PAX2: variants seen among roughly 807,000 people sequenced by gnomAD.
PAX2 encodes the protein paired box 2.
A neutral mutation model predicts 41.7 loss-of-function variants in PAX2; 9 were observed. That is an observed-to-expected ratio of 0.22 (90% CI 0.13 to 0.38). PAX2 has a LOEUF of 0.38. PAX2 is among the 10% of genes least tolerant of loss of function. PAX2 has a pLI of 1.00. For missense variants in PAX2, 418 were observed against 531.6 expected (o/e 0.79, Z 2.10); for synonymous variants, 221 against 212.7 (o/e 1.04, Z -0.34).
rs1848721584 is a variant in PAX2, at chr10:100,829,714, CG to C, written c.*2099del. The C allele has an allele frequency of 9.9e-6, 2 of 202,296 alleles. No individual in the cohort carries two copies. The highest frequency in any genetic ancestry group is 1.5e-4 in the East Asian group (2 of 13,784). The allele number at this position is 202,296 out of a possible 1,614,324, so 12.5% of individuals were successfully genotyped here. ...CCCAGCCAGGCTCCAGTGGCCCGAA[CG>C]GGGCGGCGAGGGCGGCGAGGGCGCC... On this transcript the variant is annotated 3_prime_UTR_variant, in exon 10 of 10. Transcript: ENST00000355243.
Position 100,791,409 on chromosome 10 carries a change from A to G in PAX2, c.616+10044A>G, listed in dbSNP as rs1306809775. Among the ~76,000 whole-genome samples, 2 of 152,206 alleles carry G rather than the reference A, an allele frequency of 1.3e-5. No homozygotes were observed. Among genetic ancestry groups the G allele is most frequent in the African/African-American group, 2.4e-5 (1 of 41,450 alleles). On this transcript the variant is annotated intron_variant, in intron 5 of 9. Coordinates refer to ENST00000355243, the MANE Select transcript of PAX2 (RefSeq NM_000278.5). The surrounding 1 kb of genome is among the most constrained non-coding windows in gnomAD (Gnocchi z 4.5). ...ATGTGTGTAAGGTTGGGGTACACAC[A>G]GGGGCAGCAGTAGAATGTGATCCAG...
intron 5 of PAX2, among the ~76,000 whole-genome samples, chr10:100,786,539 G>T (rs963239865): frequency 6.6e-6 from 1 of 152,204 alleles, no homozygotes; most frequent in Non-Finnish European, 1.5e-5. Context: ...CCGCTCTGAG[G>T]TCTTTGGGTA....
chr10:100,744,533 A>G (rs904649903), upstream of PAX2, among the ~76,000 whole-genome samples: 6 of 152,100 alleles, frequency 3.9e-5, no homozygotes, highest in Non-Finnish European at 8.8e-5. Flanking sequence ...AGGAGTGGGG[A>G]CGTCCCCGTG....
In PAX2 at chr10:100,827,905, G is replaced by A. The variant is rs376127856; in HGVS notation, c.*286G>A. The A allele has an allele frequency of 2.2e-6, 1 of 461,694 alleles. No homozygotes were observed. The highest frequency in any genetic ancestry group is 2.7e-5 in the South Asian group (1 of 36,394). 28.6% of individuals were successfully genotyped at this position (461,694 alleles called of 1,614,324 possible). On this transcript the variant is annotated 3_prime_UTR_variant, in exon 10 of 10. Transcript: ENST00000355243. The surrounding 1 kb of genome is among the most constrained non-coding windows in gnomAD (Gnocchi z 8.5). ...CCTGGACTGCGCGGCGCCGTGAGGG[G>A]GATTCGGCCCAGCTCGTCCCGGCCT...
intron 3 of PAX2, among the ~76,000 whole-genome samples, chr10:100,751,696 T>C (rs1032383807): frequency 2.6e-5 from 4 of 152,170 alleles, no homozygotes; most frequent in Admixed American, 2.0e-4. Context: ...GGAGAACACA[T>C]GTGCACACTC....
intron 5 of PAX2, among the ~76,000 whole-genome samples, chr10:100,790,569 TC>T (rs1433907635): frequency 6.6e-6 from 1 of 152,144 alleles, no homozygotes; most frequent in African/African-American, 2.4e-5. Flanking sequence ...GCCGAAGCTA[TC>T]CCCGGGCCCT....
At chr10:100,768,065 A>G (rs960435469) in intron 3 of PAX2, among the ~76,000 whole-genome samples, 15 of 152,088 alleles carry the variant, frequency 9.9e-5, no homozygotes, top group African/African-American at 3.4e-4. Context: ...ATGTACGTCA[A>G]TACTGGTGCA....
rs979409064 is a variant in PAX2, at chr10:100,828,151, T to G, written c.*532T>G. 4.3e-6 allele frequency: 1 copy of G among 231,732 alleles called. No individual in the cohort carries two copies. Among genetic ancestry groups the G allele is most frequent in the Non-Finnish European group, 8.5e-6 (1 of 117,366 alleles). The allele number at this position is 231,732 out of a possible 1,614,324, so 14.4% of individuals were successfully genotyped here. The stretch of plus-strand genomic sequence containing the variant: ...ACTTTCTGCAGGAGGAAGAGCCCGC[T>G]GCCGAATCCCTGGGAAAAATTCTTT... On this transcript the variant is annotated 3_prime_UTR_variant, in exon 10 of 10. Coordinates refer to ENST00000355243, the MANE Select transcript of PAX2 (RefSeq NM_000278.5). The surrounding 1 kb of genome is among the most constrained non-coding windows in gnomAD (Gnocchi z 6.5).
chr10:100,798,104 CTTTTTTTTTTTTT>C (rs11314855), intron 5 of PAX2, among the ~76,000 whole-genome samples: 383 of 86,556 alleles, frequency 4.4e-3, no homozygotes, highest in African/African-American at 0.015. Context: ...ATGTCCACCT[CTTTTTTTTTTTTT>C]TTTTTTTTTT....
chr10:100,811,482 T>C (rs1219965819), intron 7 of PAX2, among the ~76,000 whole-genome samples: 2 of 152,200 alleles, frequency 1.3e-5, no homozygotes, highest in Non-Finnish European at 2.9e-5. Flanking sequence ...GGCCAGGATA[T>C]TGTGGGTAGT....
chr10:100,814,927 G>A (rs2133967240), intron 7 of PAX2, among the ~76,000 whole-genome samples: 1 of 152,364 alleles, frequency 6.6e-6, no homozygotes, highest in African/African-American at 2.4e-5. Context: ...AGAGGTAGGG[G>A]AGGCCAGAGA....
rs11190680 is a variant in PAX2, at chr10:100,746,058, A to G, written c.-203A>G. ...GACAGTGGCAAGTTGCGGCTACTGC[A>G]GTTGCAAGCTCCGGCCAACCCGGAG... On this transcript the variant is annotated 5_prime_UTR_variant, in exon 1 of 10. Transcript: ENST00000355243. 1,185,504 of 1,466,716 alleles carry G rather than the reference A, an allele frequency of 0.81. 480,889 individuals carry two copies. The highest frequency in any genetic ancestry group is 1 in the East Asian group (41,525 of 41,554). The allele number at this position is 1,466,716 out of a possible 1,614,324, so 90.9% of individuals were successfully genotyped here. A position where few individuals can be genotyped will look rare whatever the true frequency, so the allele number is the denominator to read the frequency against.
intron 2 of PAX2, 39 bp downstream of exon 2, chr10:100,749,953 A>G: frequency 1.2e-6 from 2 of 1,601,694 alleles, no homozygotes; most frequent in African/African-American, 1.3e-5. Context: ...CGCCTTGCCT[A>G]CTTCCCCGGC....
At position 100,748,796 on chromosome 10, in the gene PAX2, C is replaced by G; in HGVS notation, c.44-950C>G. ...CCGCTCGGTTTCCTGGGGGGGCTGC[C>G]GAGGTCTGAGGGGTCAAAGGGACTC... On this transcript the variant is annotated intron_variant, in intron 1 of 9. Coordinates refer to ENST00000355243, the MANE Select transcript of PAX2 (RefSeq NM_000278.5). This position sits in a 1 kb window ranked among gnomAD's most constrained non-coding sequence, Gnocchi z 5.0. The G allele has an allele frequency of 1.0e-6, 1 of 985,498 alleles. No individual in the cohort carries two copies. Among genetic ancestry groups the G allele is most frequent in the Non-Finnish European group, 1.2e-6 (1 of 829,998 alleles). The allele number at this position is 985,498 out of a possible 1,614,324, so 61.0% of individuals were successfully genotyped here. A position where few individuals can be genotyped will look rare whatever the true frequency, so the allele number is the denominator to read the frequency against.
At chr10:100,786,164 C>T (rs1414677165) in intron 5 of PAX2, among the ~76,000 whole-genome samples, 2 of 152,182 alleles carry the variant, frequency 1.3e-5, no homozygotes, top group Non-Finnish European at 2.9e-5. Flanking sequence ...CTAGGGCAGC[C>T]TTTAGTGGAT....
At chr10:100,753,284 T>G (rs1198877549) in intron 3 of PAX2, among the ~76,000 whole-genome samples, 1 of 152,196 alleles carries the variant, frequency 6.6e-6, no homozygotes. Context: ...TTCTGGGGGC[T>G]TCCCTGTGTG....
chr10:100,804,322 G>A (rs892762225), intron 5 of PAX2, among the ~76,000 whole-genome samples: 2 of 146,148 alleles, frequency 1.4e-5, no homozygotes, highest in African/African-American at 5.2e-5. Context: ...GCCACACACA[G>A]ACAGGCATAT....
At chr10:100,772,063 C>T (rs1041568609) in intron 3 of PAX2, among the ~76,000 whole-genome samples, 1 of 151,660 alleles carries the variant, frequency 6.6e-6, no homozygotes, top group African/African-American at 2.4e-5. Flanking sequence ...CCTCGGCCTC[C>T]CAAAGTGTTG....
At chr10:100,823,867 C>T (rs1011320989) in intron 7 of PAX2, among the ~76,000 whole-genome samples, 2 of 152,142 alleles carry the variant, frequency 1.3e-5, no homozygotes, top group African/African-American at 4.8e-5. Context: ...CATCTTGACT[C>T]GCTTTGTCTC....
Sources: allele counts gnomAD v4.1 joint callset (sites outside exome capture counted in the v4.1 genomes callset), GRCh38; gene constraint gnomAD v4.1.1; non-coding constraint Gnocchi (gnomAD v3.1); transcripts MANE v1.5; gene names NCBI Gene and HGNC (gene_info 2026-07-23, HGNC 2026-07-21).